Variants in TRAPPC9 observed in about 807,000 individuals in gnomAD.
TRAPPC9 encodes IKK2 binding protein.
TRAPPC9 carries 83 observed loss-of-function variants against 124.0 expected under a neutral mutation model. The ratio of observed to expected loss-of-function variants is 0.67; its 90% confidence interval spans 0.56 to 0.80. The LOEUF is 0.80. Ranked by LOEUF, TRAPPC9 falls within the 30% of genes least tolerant of loss-of-function variation. The probability of loss-of-function intolerance (pLI) is 0.00; values close to 1 mark genes in which losing one functional copy is unlikely to be tolerated. For missense variants in TRAPPC9, 1,302 were observed against 1,508.3 expected (o/e 0.86, Z 2.27); for synonymous variants, 638 against 617.5 (o/e 1.03, Z -0.49).
chr8:139,796,665 A>T (rs1185863416), intron 21 of TRAPPC9, among the ~76,000 whole-genome samples: 1 of 152,180 alleles, frequency 6.6e-6, no homozygotes, highest in Non-Finnish European at 1.5e-5. Context: ...GCTGATGAGC[A>T]TTTGTGTTAT....
chr8:140,341,275 C>T (rs576126199), intron 9 of TRAPPC9, among the ~76,000 whole-genome samples: 20 of 152,214 alleles, frequency 1.3e-4, no homozygotes, highest in East Asian at 5.8e-4. Flanking sequence ...GAGTGGCTAA[C>T]GGGACCTACA....
chr8:140,156,579 G>C (rs1157904150), intron 17 of TRAPPC9, among the ~76,000 whole-genome samples: 1 of 152,210 alleles, frequency 6.6e-6, no homozygotes, highest in Non-Finnish European at 1.5e-5. Context: ...CTCTGCAGCG[G>C]GAGCCTCGGA....
chr8:139,804,343 ACCGC>A, intron 21 of TRAPPC9, among the ~76,000 whole-genome samples: 1 of 117,500 alleles, frequency 8.5e-6, no homozygotes, highest in Non-Finnish European at 1.7e-5. Context: ...CACCACCACC[ACCGC>A]CACCAAGCAC....
intron 21 of TRAPPC9, among the ~76,000 whole-genome samples, chr8:139,762,371 G>C (rs1024110616): frequency 1.3e-5 from 2 of 152,192 alleles, no homozygotes; most frequent in African/African-American, 4.8e-5. Flanking sequence ...ACTGCGGATA[G>C]GTTCTGAGAA....
rs908365874 is a variant in TRAPPC9 at position 139,825,251 on chromosome 8, T to A, written c.3055+60628A>T. 6.6e-6 allele frequency among the ~76,000 whole-genome samples: 1 copy of A among 152,166 alleles called. No individual in the cohort carries two copies. Among genetic ancestry groups the A allele is most frequent in the African/African-American group, 2.4e-5 (1 of 41,438 alleles). On this transcript the variant is annotated intron_variant, in intron 21 of 22. Coordinates refer to ENST00000438773, the MANE Select transcript of TRAPPC9 (RefSeq NM_001160372.4). This position sits in a 1 kb window ranked among gnomAD's most constrained non-coding sequence, Gnocchi z 4.6. ...AGGGTGGGCAGAGAAACGGCTCCTG[T>A]CTTTCAGGGAACTAGCCACTCCTCT... is the stretch of plus-strand genomic sequence containing the variant.
chr8:140,144,293 T>C (rs748343741), intron 17 of TRAPPC9, among the ~76,000 whole-genome samples: 5 of 152,232 alleles, frequency 3.3e-5, no homozygotes, highest in Non-Finnish European at 7.3e-5. Context: ...CTTCAAAATA[T>C]TGAGTCTTCT....
chr8:139,751,605 A>T (rs760438675), intron 21 of TRAPPC9, among the ~76,000 whole-genome samples: 8 of 152,216 alleles, frequency 5.3e-5, no homozygotes, highest in Middle Eastern at 6.8e-3. Context: ...CTGGACTCCC[A>T]TGCCCCAACC....
intron 21 of TRAPPC9, among the ~76,000 whole-genome samples, chr8:139,748,361 G>A (rs1819084120): frequency 7.9e-6 from 1 of 126,160 alleles, no homozygotes; most frequent in African/African-American, 3.4e-5. Context: ...CACACAGCAG[G>A]AGTCAGAGCA....
chr8:140,125,034 G>A (rs1237701661), intron 17 of TRAPPC9, among the ~76,000 whole-genome samples: 4 of 152,196 alleles, frequency 2.6e-5, no homozygotes, highest in Admixed American at 6.5e-5. Flanking sequence ...GATAAAACCC[G>A]GACACTGCTC....
intron 19 of TRAPPC9, among the ~76,000 whole-genome samples, chr8:139,927,872 G>A (rs1832904053): frequency 6.6e-6 from 1 of 152,216 alleles, no homozygotes; most frequent in Admixed American, 6.5e-5. Flanking sequence ...TCCTCACTAT[G>A]TGATCCCATT....
chr8:139,788,748 C>G lies in TRAPPC9; in HGVS notation c.3056-56546G>C, dbSNP rs138725419. Among the ~76,000 whole-genome samples the G allele has an allele frequency of 6.6e-6, 1 of 152,206 alleles. No individual in the cohort carries two copies. The highest frequency in any genetic ancestry group is 6.5e-5 in the Admixed American group (1 of 15,284). Reference sequence around the variant, plus strand: ...GCAGGCTGAGCACAAGGTCCACAGCCCTCCCTTGACACAAAGTCAACTCAC... The same window carrying G: ...GCAGGCTGAGCACAAGGTCCACAGCGCTCCCTTGACACAAAGTCAACTCAC... On this transcript the variant is annotated intron_variant, in intron 21 of 22. Transcript: ENST00000438773. This position sits in a 1 kb window ranked among gnomAD's most constrained non-coding sequence, Gnocchi z 4.9.
chr8:140,202,630 A>G (rs562524208), intron 17 of TRAPPC9, among the ~76,000 whole-genome samples: 1 of 152,340 alleles, frequency 6.6e-6, no homozygotes, highest in South Asian at 2.1e-4. Flanking sequence ...AAAACATTAG[A>G]TGCATGACTG....
intron 21 of TRAPPC9, among the ~76,000 whole-genome samples, chr8:139,824,289 G>A (rs560640761): frequency 6.6e-5 from 10 of 152,244 alleles, no homozygotes; most frequent in African/African-American, 1.9e-4. Flanking sequence ...GGAAGTCGCC[G>A]GGTCACTGTG....
At chr8:139,913,261 C>T (rs1159345310) in intron 19 of TRAPPC9, among the ~76,000 whole-genome samples, 1 of 152,232 alleles carries the variant, frequency 6.6e-6, no homozygotes, top group Non-Finnish European at 1.5e-5. Context: ...ATGTAAGGAG[C>T]ACTTGCTGTG....
intron 17 of TRAPPC9, among the ~76,000 whole-genome samples, chr8:140,133,823 C>T (rs967651071): frequency 2.0e-5 from 3 of 150,758 alleles, no homozygotes; most frequent in African/African-American, 7.3e-5. Flanking sequence ...TGGAATAATA[C>T]CTAGGAATAA....
chr8:139,859,635 T>A (rs1179613255), intron 21 of TRAPPC9, among the ~76,000 whole-genome samples: 1 of 152,232 alleles, frequency 6.6e-6, no homozygotes, highest in African/African-American at 2.4e-5. Flanking sequence ...ATGTCAGATC[T>A]GCCCCATGCG....
intron 17 of TRAPPC9, among the ~76,000 whole-genome samples, chr8:140,082,435 G>C (rs1843888270): frequency 6.6e-6 from 1 of 152,134 alleles, no homozygotes; most frequent in African/African-American, 2.4e-5. Flanking sequence ...TCAGCAGAAA[G>C]GGCATCTGCA....
At chr8:139,960,609 T>TAGCCGGAGGAGCAAGGGAA (rs1835319188) in intron 19 of TRAPPC9, among the ~76,000 whole-genome samples, 4 of 127,976 alleles carry the variant, frequency 3.1e-5, no homozygotes, top group Admixed American at 1.6e-4. Flanking sequence ...GACCCAGCTG[T>TAGCCGGAGGAGCAAGGGAA]CAAGTCTGGA....
At chr8:139,999,179 T>G (rs911860413) in intron 18 of TRAPPC9, among the ~76,000 whole-genome samples, 1 of 151,992 alleles carries the variant, frequency 6.6e-6, no homozygotes, top group Admixed American at 6.6e-5. Flanking sequence ...ACAGAGATTG[T>G]CAGAATACGT....
Sources: allele counts gnomAD v4.1 joint callset (sites outside exome capture counted in the v4.1 genomes callset), GRCh38; gene constraint gnomAD v4.1.1; non-coding constraint Gnocchi (gnomAD v3.1); transcripts MANE v1.5; gene names NCBI Gene and HGNC (gene_info 2026-07-23, HGNC 2026-07-21).